SCN9A: variants seen among roughly 807,000 people sequenced by gnomAD.
SCN9A encodes sodium channel protein type 9 subunit alpha.
SCN9A carries 131 observed loss-of-function variants against 187.0 expected under a neutral mutation model. The ratio of observed to expected loss-of-function variants is 0.70; its 90% confidence interval spans 0.61 to 0.81. The LOEUF is 0.81. Among genes scored for constraint, SCN9A ranks in the 30% least tolerant of loss-of-function variants. The probability of loss-of-function intolerance (pLI) is 0.00; values close to 1 mark genes in which losing one functional copy is unlikely to be tolerated. For synonymous variants in SCN9A, 809 were observed against 808.6 expected, an observed-to-expected ratio of 1.00 and a Z score of -0.01; for missense variants, 2,252 against 2,396.6, an observed-to-expected ratio of 0.94 and a Z score of 1.26.
Position 166,328,251 on chromosome 2 carries a change from ATT to A in SCN9A, c.-50-16447_-50-16446del, listed in dbSNP as rs74658674. On this transcript the variant is annotated intron_variant, in intron 1 of 26. Coordinates refer to ENST00000642356, the MANE Select transcript of SCN9A (RefSeq NM_001365536.1). ...CAAACTATATTTTTAGGATATATGC[ATT>A]TTTTTTTTAACTTTTATTTTAAGTT... Among the ~76,000 whole-genome samples the A allele has an allele frequency of 9.3e-3, 1,399 of 149,958 alleles. 29 individuals carry two copies. Among genetic ancestry groups the A allele is most frequent in the African/African-American group, 0.031 (1,270 of 41,016 alleles).
chr2:166,311,753 C>T lies in SCN9A; in HGVS notation c.4G>A (p.Ala2Thr), dbSNP rs199841742. 3.1e-6 allele frequency: 5 copies of T among 1,596,928 alleles called. No individual in the cohort carries two copies. Among genetic ancestry groups the T allele is most frequent in the South Asian group, 1.1e-5 (1 of 88,406 alleles). The change falls in exon 2 of 27, where the codon GCA becomes ACA. Residue 2 changes from alanine to threonine, a missense_variant. Coordinates refer to ENST00000642356, the MANE Select transcript of SCN9A (RefSeq NM_001365536.1). ...TGAGGTCCTGGGGGAGGCAACATTG[C>T]CATCTTTTCATCCTGTATATTTTAA... is the stretch of plus-strand genomic sequence containing the variant. M[A>T]MLPPPGPQSF...
chr2:166,242,487 T>C lies in SCN9A; in HGVS notation c.3627+15A>G. On this transcript the variant is annotated intron_variant, in intron 19 of 26. Coordinates refer to ENST00000642356, the MANE Select transcript of SCN9A (RefSeq NM_001365536.1). Reference sequence around the variant, plus strand: ...GACTTAATCAATATATTGACTTAGGTGTCAGATCATTTACCAGGGCACCAC... The same window carrying C: ...GACTTAATCAATATATTGACTTAGGCGTCAGATCATTTACCAGGGCACCAC... 2 of 1,556,932 alleles carry C rather than the reference T, an allele frequency of 1.3e-6. No homozygotes were observed. Among genetic ancestry groups the C allele is most frequent in the Non-Finnish European group, 1.7e-6 (2 of 1,147,614 alleles).
intron 1 of SCN9A, among the ~76,000 whole-genome samples, chr2:166,374,514 A>T (rs1016869087): frequency 1.3e-5 from 2 of 152,190 alleles, no homozygotes; most frequent in African/African-American, 4.8e-5. Context: ...ATAAGAAAAA[A>T]TTATAAACTT....
At chr2:166,249,386 T>A (rs1695938111) in intron 18 of SCN9A, 1 of 152,082 alleles carries the variant, frequency 6.6e-6, no homozygotes, top group African/African-American at 2.4e-5. Context: ...GGCACACAGG[T>A]ATTTAATAAT....
chr2:166,375,140 T>C (rs564445595), intron 1 of SCN9A, among the ~76,000 whole-genome samples: 1 of 152,052 alleles, frequency 6.6e-6, no homozygotes, highest in Non-Finnish European at 1.5e-5. Context: ...TTCGAAAAAA[T>C]AAATAAATAA....
intron 1 of SCN9A, among the ~76,000 whole-genome samples, chr2:166,334,973 C>T (rs933805157): frequency 6.6e-6 from 1 of 152,080 alleles, no homozygotes; most frequent in African/African-American, 2.4e-5. Flanking sequence ...CATCTATTTG[C>T]TTAGCTGTTA....
At chr2:166,334,355 C>T (rs755553046) in intron 1 of SCN9A, among the ~76,000 whole-genome samples, 4 of 151,996 alleles carry the variant, frequency 2.6e-5, no homozygotes, top group Admixed American at 6.6e-5. Context: ...GTTTGAGCAG[C>T]GTCATGTAGA....
intron 16 of SCN9A, among the ~76,000 whole-genome samples, chr2:166,275,821 C>T (rs1461133836): frequency 6.6e-6 from 1 of 152,014 alleles, no homozygotes; most frequent in Non-Finnish European, 1.5e-5. Context: ...TGCATAAATG[C>T]CTTTGTGTAT....
At chr2:166,268,118 C>T (rs1696819298) in intron 17 of SCN9A, among the ~76,000 whole-genome samples, 1 of 151,954 alleles carries the variant, frequency 6.6e-6, no homozygotes, top group African/African-American at 2.4e-5. Context: ...GTACATTGAG[C>T]ACTTTTCAAT....
intron 17 of SCN9A, among the ~76,000 whole-genome samples, chr2:166,253,823 A>T (rs1236373066): frequency 6.6e-6 from 1 of 151,816 alleles, no homozygotes; most frequent in Non-Finnish European, 1.5e-5. Context: ...TGATAGAAAG[A>T]ATACAAAGCA....
chr2:166,358,575 T>C (rs1278254508), intron 1 of SCN9A, among the ~76,000 whole-genome samples: 1 of 152,216 alleles, frequency 6.6e-6, no homozygotes, highest in Non-Finnish European at 1.5e-5. Flanking sequence ...TTTTCTGTGG[T>C]ATACAATACA....
At chr2:166,374,518 T>A (rs10930219) in intron 1 of SCN9A, among the ~76,000 whole-genome samples, 34,827 of 152,000 alleles carry the variant, frequency 0.23, 4,566 homozygotes, top group African/African-American at 0.36. Flanking sequence ...GAAAAAATTA[T>A]AAACTTTTTT....
intron 24 of SCN9A, among the ~76,000 whole-genome samples, chr2:166,216,708 C>A (rs1694345661): frequency 6.6e-6 from 1 of 151,758 alleles, no homozygotes; most frequent in African/African-American, 2.4e-5. Flanking sequence ...ACACTGAAAA[C>A]TATAAGTTGA....
At chr2:166,229,349 G>T (rs757001812) in intron 21 of SCN9A, among the ~76,000 whole-genome samples, 13 of 150,338 alleles carry the variant, frequency 8.6e-5, no homozygotes, top group Non-Finnish European at 1.9e-4. Flanking sequence ...TGTACACTCT[G>T]GAAAAAAAAG....
intron 17 of SCN9A, among the ~76,000 whole-genome samples, chr2:166,269,397 AG>A (rs1042803274): frequency 1.4e-4 from 21 of 152,116 alleles, no homozygotes; most frequent in African/African-American, 4.3e-4. Flanking sequence ...TTTATACCCC[AG>A]GGGAGACAAA....
intron 1 of SCN9A, among the ~76,000 whole-genome samples, chr2:166,370,401 G>A (rs141603539): frequency 2.6e-5 from 4 of 151,326 alleles, no homozygotes; most frequent in African/African-American, 7.3e-5. Flanking sequence ...AACATTAGCC[G>A]GGCACGGTGG....
chr2:166,317,168 A>T (rs1417509029), intron 1 of SCN9A, among the ~76,000 whole-genome samples: 1 of 151,804 alleles, frequency 6.6e-6, no homozygotes, highest in Non-Finnish European at 1.5e-5. Flanking sequence ...TTTATACTTT[A>T]CTTTTCAAAT....
chr2:166,288,827 C>G (rs1482482906), intron 9 of SCN9A, among the ~76,000 whole-genome samples, 184 bp from the exon 10 acceptor site: 2 of 152,074 alleles, frequency 1.3e-5, no homozygotes, highest in African/African-American at 4.8e-5. Flanking sequence ...AAGAATATAG[C>G]AATGTAATAT....
At chr2:166,353,795 A>G (rs1005150472) in intron 1 of SCN9A, among the ~76,000 whole-genome samples, 1 of 152,128 alleles carries the variant, frequency 6.6e-6, no homozygotes, top group African/African-American at 2.4e-5. Context: ...CTACTTCTAC[A>G]GTGCTTTATT....
Sources: allele counts gnomAD v4.1 joint callset (sites outside exome capture counted in the v4.1 genomes callset), GRCh38; gene constraint gnomAD v4.1.1; transcripts MANE v1.5; gene names NCBI Gene and HGNC (gene_info 2026-07-23, HGNC 2026-07-21).